ZC3HC1: variants seen among roughly 807,000 people sequenced by gnomAD.
ZC3HC1 encodes the protein zinc finger C3HC-type protein 1.
A neutral mutation model predicts 61.9 loss-of-function variants in ZC3HC1; 38 were observed. That is an observed-to-expected ratio of 0.61 (90% CI 0.47 to 0.81). ZC3HC1 has a LOEUF of 0.81. Among genes scored for constraint, ZC3HC1 ranks in the 30% least tolerant of loss-of-function variants. ZC3HC1 has a pLI of 0.00. For synonymous variants in ZC3HC1, 213 were observed against 229.9 expected (o/e 0.93, Z 0.67); for missense variants, 554 against 622.7 (o/e 0.89, Z 1.17).
Position 130,051,373 on chromosome 7 carries a change from C to T in ZC3HC1, c.-7G>A. On this transcript the variant is annotated 5_prime_UTR_variant, in exon 1 of 10. Transcript: ENST00000358303. ...CCTCACAGGGCGCCGCCATCTTGGT[C>T]CGCTGCCGAGTTGCTTCCCCGAGAG... 6.2e-7 allele frequency: 1 copy of T among 1,612,578 alleles called. No individual in the cohort carries two copies. Among genetic ancestry groups the T allele is most frequent in the Non-Finnish European group, 8.5e-7 (1 of 1,179,298 alleles).
In ZC3HC1 at chr7:130,018,537, A is replaced by AG; in HGVS notation, c.*126dup. On this transcript the variant is annotated 3_prime_UTR_variant, in exon 10 of 10. Coordinates refer to ENST00000358303, the MANE Select transcript of ZC3HC1 (RefSeq NM_016478.5). ...TGACACTCACTGCCTTTGCTATGGC[A>AG]GGGGGCTCCTTATGATTAACCCAGA... The AG allele has an allele frequency of 2.7e-6, 2 of 732,918 alleles. No individual in the cohort carries two copies. Among genetic ancestry groups the AG allele is most frequent in the Admixed American group, 2.3e-5 (1 of 42,852 alleles). The allele number at this position is 732,918 out of a possible 1,614,324, so 45.4% of individuals were successfully genotyped here.
Position 130,020,436 on chromosome 7 carries a change from A to G in ZC3HC1, c.1441-1704T>C, listed in dbSNP as rs182865747. 7.6e-4 allele frequency among the ~76,000 whole-genome samples: 115 copies of G among 151,168 alleles called. 1 individual carries two copies. The highest frequency in any genetic ancestry group is 2.6e-3 in the African/African-American group (105 of 41,158). Reference sequence around the variant, plus strand: ...ACCAACAGTCCTGGCTAATTTTTGTATTTTCAGTAGAGATGGGGTTTTGCC... The same window carrying G: ...ACCAACAGTCCTGGCTAATTTTTGTGTTTTCAGTAGAGATGGGGTTTTGCC... On this transcript the variant is annotated intron_variant, in intron 9 of 9. Coordinates refer to ENST00000358303, the MANE Select transcript of ZC3HC1 (RefSeq NM_016478.5).
intron 2 of ZC3HC1, chr7:130,045,450 G>A (rs1249770038): frequency 8.8e-6 from 4 of 456,954 alleles, no homozygotes; most frequent in African/African-American, 8.0e-5. Context: ...TGTTGGCCAT[G>A]TTGGAGTAGA....
Position 130,026,164 on chromosome 7 carries a change from G to A in ZC3HC1, c.770C>T (p.Ala257Val), listed in dbSNP as rs764600804. ...GCAAAATCTGCTGACTCACCTACAC[G>A]CCCAGCCACACACAGAGAGAATACA... ...TACILSVCGW[A>V]CSSSLESMQL... is the part of the protein sequence containing the mutation. The change falls in exon 6 of 10, where the codon GCG (alanine) becomes GTG (valine). Residue 257 changes from alanine to valine, a missense_variant. By Grantham distance (64) the Ala-to-Val change is moderately conservative. Coordinates refer to ENST00000358303, the MANE Select transcript of ZC3HC1 (RefSeq NM_016478.5). 6.8e-6 allele frequency: 11 copies of A among 1,612,372 alleles called. No homozygotes were observed. Among genetic ancestry groups the A allele is most frequent in the African/African-American group, 2.7e-5 (2 of 74,842 alleles).
intron 9 of ZC3HC1, 54 bp from the exon 10 acceptor site, chr7:130,018,786 G>C: frequency 2.0e-6 from 3 of 1,481,336 alleles, no homozygotes; most frequent in Admixed American, 1.7e-5. Flanking sequence ...AGAGACAAAG[G>C]ATAGATCATT....
rs551152282 is a variant in ZC3HC1 at position 130,021,992 on chromosome 7, T to C, written c.1440+327A>G. 3.6e-3 allele frequency among the ~76,000 whole-genome samples: 545 copies of C among 151,924 alleles called. 3 individuals carry two copies. The highest frequency in any genetic ancestry group is 0.013 in the African/African-American group (525 of 41,428). ...GAGTTCGAGACCAGCCTGGCCAACA[T>C]GGTGAAACCCTGTCTATTAAAAATA... On this transcript the variant is annotated intron_variant, in intron 9 of 9. Coordinates refer to ENST00000358303, the MANE Select transcript of ZC3HC1 (RefSeq NM_016478.5).
At position 130,023,001 on chromosome 7, in the gene ZC3HC1, C is replaced by T. The variant is rs1353099108; in HGVS notation, c.1234-476G>A. 9 of 180,680 alleles carry T rather than the reference C, an allele frequency of 5.0e-5. No homozygotes were observed. Among genetic ancestry groups the T allele is most frequent in the Admixed American group, 1.1e-4 (2 of 18,498 alleles). The allele number at this position is 180,680 out of a possible 1,614,324, so 11.2% of individuals were successfully genotyped here. On this transcript the variant is annotated intron_variant, in intron 8 of 9. Coordinates refer to ENST00000358303, the MANE Select transcript of ZC3HC1 (RefSeq NM_016478.5). The surrounding 1 kb of genome is among the most constrained non-coding windows in gnomAD (Gnocchi z 4.2). ...CACCTCATGATCTGTCACTGTTTCC[C>T]GTCACCCCCAGATGAGATCATCTAG...
chr7:130,044,942 C>A (rs1324989632), intron 2 of ZC3HC1, among the ~76,000 whole-genome samples: 3 of 152,100 alleles, frequency 2.0e-5, no homozygotes, highest in African/African-American at 7.2e-5. Flanking sequence ...GTATCAAGAT[C>A]ATGAAATTCA....
chr7:130,018,762 T>G (rs1793484769), intron 9 of ZC3HC1, 30 bp from the exon 10 acceptor site: 7 of 1,567,638 alleles, frequency 4.5e-6, no homozygotes, highest in Non-Finnish European at 6.1e-6. Flanking sequence ...TTATTAGTGA[T>G]TACGTTCTTT....
chr7:130,033,445 C>CTTTTTTT (rs3043729), intron 4 of ZC3HC1, among the ~76,000 whole-genome samples: 4 of 82,852 alleles, frequency 4.8e-5, no homozygotes, highest in Non-Finnish European at 6.8e-5. Flanking sequence ...CTATAGCATT[C>CTTTTTTT]TTTTTTTTTT....
intron 4 of ZC3HC1, among the ~76,000 whole-genome samples, chr7:130,030,648 A>T (rs550897657): frequency 4.7e-4 from 72 of 151,860 alleles, no homozygotes; most frequent in Middle Eastern, 6.9e-3. Flanking sequence ...ATTGACATTT[A>T]GTTGCTCAAC....
chr7:130,018,910 G>A (rs1793494076), intron 9 of ZC3HC1, among the ~76,000 whole-genome samples, 178 bp from the exon 10 acceptor site: 1 of 152,118 alleles, frequency 6.6e-6, no homozygotes, highest in Non-Finnish European at 1.5e-5. Flanking sequence ...ACGTTCTACT[G>A]TCAGACTCCT....
intron 9 of ZC3HC1, among the ~76,000 whole-genome samples, chr7:130,021,857 T>C (rs1159092411): frequency 2.0e-5 from 3 of 152,196 alleles, no homozygotes; most frequent in East Asian, 3.9e-4. Context: ...GCCTAATCCC[T>C]AGGACGAAAG....
chr7:130,042,564 A>G (rs1488451150), intron 2 of ZC3HC1, among the ~76,000 whole-genome samples: 1 of 152,218 alleles, frequency 6.6e-6, no homozygotes, highest in African/African-American at 2.4e-5. Flanking sequence ...GATTGCTAGT[A>G]TCAATGGGGA....
Position 130,051,222 on chromosome 7 carries a change from C to T in ZC3HC1, c.145G>A (p.Ala49Thr), listed in dbSNP as rs762212884. ...CCCAGGGTTAACTCGTGAACTCACG[C>T]GTCCACGCCTCCCTCTTCCGGGGCA... ...GIAPEEGGVD[A>T]KDTSATSQSV... Residue 49 changes from alanine to threonine, a missense_variant and splice_region_variant, in exon 1 of 10, where the codon GCG (alanine) becomes ACG (threonine). Transcript: ENST00000358303. 83 of 1,605,360 alleles carry T rather than the reference C, an allele frequency of 5.2e-5. No individual in the cohort carries two copies. The highest frequency in any genetic ancestry group is 6.8e-5 in the Non-Finnish European group (80 of 1,176,652).
intron 8 of ZC3HC1, among the ~76,000 whole-genome samples, 164 bp from the exon 9 acceptor site, chr7:130,022,689 T>C (rs901320896): frequency 1.3e-5 from 2 of 152,130 alleles, no homozygotes; most frequent in African/African-American, 4.8e-5. Context: ...ATTTTCTTTA[T>C]TTTTTCACTC....
intron 8 of ZC3HC1, 49 bp from the exon 9 acceptor site, chr7:130,022,574 G>C (rs758564440): frequency 1.9e-6 from 3 of 1,587,722 alleles, no homozygotes; most frequent in Non-Finnish European, 2.6e-6. Flanking sequence ...TGCTATGTAA[G>C]TTCAGGGAGG....
At chr7:130,050,481 G>A in intron 1 of ZC3HC1, 8 of 1,517,040 alleles carry the variant, frequency 5.3e-6, no homozygotes, top group Non-Finnish European at 7.0e-6. Flanking sequence ...CCTCAAGCGG[G>A]TGTGGTTCTA....
rs975511826 is a variant in ZC3HC1, at chr7:130,028,940, G to A, written c.583C>T (p.Gln195Ter). ...TCCTCCGGCCTTAGGGAAGGAAGCT[G>A]GAGGTCCAAGTGACAAAGGCTTTGA... ...RFQSLCHLDL[Q>*]LPSLRPEDLK... Residue 195 changes from glutamine (Q) to a stop codon, truncating the protein, a stop_gained, in exon 5 of 10, where the codon CAG becomes TAG. Transcript: ENST00000358303. LOFTEE classifies it high-confidence loss of function. 2 of 1,613,686 alleles carry A rather than the reference G, an allele frequency of 1.2e-6. No individual in the cohort carries two copies. Among genetic ancestry groups the A allele is most frequent in the African/African-American group, 2.7e-5 (2 of 74,914 alleles).
Sources: gnomAD v4.1 joint callset for allele counts (sites outside exome capture counted in the v4.1 genomes callset) on GRCh38, gnomAD v4.1.1 for gene constraint, Gnocchi (gnomAD v3.1) non-coding constraint, MANE v1.5 for transcripts, NCBI Gene and HGNC (gene_info 2026-07-23, HGNC 2026-07-21) for gene names.